BEND2: variants seen among roughly 807,000 people sequenced by gnomAD.
BEND2 encodes BEN domain-containing protein 2.
BEND2 carries 19 observed loss-of-function variants against 43.8 expected under a neutral mutation model. The ratio of observed to expected loss-of-function variants is 0.43; its 90% CI spans 0.30 to 0.64. The LOEUF (loss-of-function observed/expected upper bound fraction) is 0.64. BEND2 is among the 30% of genes least tolerant of loss of function. BEND2 has a pLI of 0.11. For synonymous variants in BEND2, 226 were observed against 210.1 expected, an observed-to-expected ratio of 1.08 and a Z score of -0.66; for missense variants, 544 against 574.0, an observed-to-expected ratio of 0.95 and a Z score of 0.53.
chrX:18,214,810 C>CAAAAAAAAAAAAAAAAAAAAA (rs58814498), intron 2 of BEND2, among the ~76,000 whole-genome samples: 1 of 35,448 alleles, frequency 2.8e-5, no homozygotes, highest in Non-Finnish European at 4.5e-5. Context: ...GACTCTGTCT[C>CAAAAAAAAAAAAAAAAAAAAA]AAAAAAAAAA....
At chrX:18,201,429 A>C (rs1289757860) in intron 6 of BEND2, among the ~76,000 whole-genome samples, 1 of 104,199 alleles carries the variant, frequency 9.6e-6, no homozygotes, top group Non-Finnish European at 2.0e-5. Context: ...AAAAAAAAAA[A>C]AACTGGTGGA....
At position 18,163,292 on chromosome X, in the gene BEND2, T is replaced by C. The variant is rs1923742083; in HGVS notation, c.*1717A>G. The C allele has an allele frequency of 9.0e-6, 1 of 111,332 alleles. No individual in the cohort carries two copies. Among genetic ancestry groups the C allele is most frequent in the African/African-American group, 3.3e-5 (1 of 30,518 alleles). 9.2% of individuals were successfully genotyped at this position (111,332 alleles called of 1,213,427 possible). On this transcript the variant is annotated 3_prime_UTR_variant, in exon 14 of 14. Coordinates refer to ENST00000380033, the MANE Select transcript of BEND2 (RefSeq NM_153346.5). ...TTCCTCTTCAAGCCATGGGAACCAC[T>C]TTTAAACACTTTTTTTTATAAATAA...
At chrX:18,215,517 A>G (rs1925648601) in intron 2 of BEND2, among the ~76,000 whole-genome samples, 1 of 112,263 alleles carries the variant, frequency 8.9e-6, no homozygotes, top group East Asian at 2.8e-4. Context: ...AAGCTAAGAT[A>G]TTATGGACTT....
intron 11 of BEND2, among the ~76,000 whole-genome samples, chrX:18,175,066 G>A (rs780622972): frequency 9.0e-6 from 1 of 111,592 alleles, no homozygotes; most frequent in African/African-American, 3.3e-5. Context: ...AAGCAAATAT[G>A]CAAATTACCA....
chrX:18,217,913 T>G (rs1464027574), intron 1 of BEND2, among the ~76,000 whole-genome samples: 1 of 101,076 alleles, frequency 9.9e-6, no homozygotes, highest in African/African-American at 3.7e-5. Context: ...AAATCCTGTC[T>G]CTACCAAAAA....
chrX:18,169,474 A>C (rs1478893333), intron 13 of BEND2, among the ~76,000 whole-genome samples: 2 of 112,042 alleles, frequency 1.8e-5, no homozygotes, highest in Non-Finnish European at 3.8e-5. Flanking sequence ...ATTTCGAATG[A>C]AGGAGTACTT....
At position 18,164,947 on chromosome X, in the gene BEND2, T is replaced by C. The variant is rs1416209110; in HGVS notation, c.*62A>G. On this transcript the variant is annotated 3_prime_UTR_variant, in exon 14 of 14. Coordinates refer to ENST00000380033, the MANE Select transcript of BEND2 (RefSeq NM_153346.5). The stretch of plus-strand genomic sequence containing the variant: ...AGCAGGCTGATTTTGGAATTAGAAC[T>C]TGAGAAACTTACAAAATAGTCTTAA... 45 of 1,107,823 alleles carry C rather than the reference T, an allele frequency of 4.1e-5. No individual in the cohort carries two copies. The highest frequency in any genetic ancestry group is 5.3e-5 in the Non-Finnish European group (44 of 830,960). 91.3% of individuals were successfully genotyped at this position (1,107,823 alleles called of 1,213,427 possible).
intron 6 of BEND2, among the ~76,000 whole-genome samples, chrX:18,198,010 T>C (rs1187451840): frequency 1.8e-5 from 2 of 111,775 alleles, no homozygotes; most frequent in African/African-American, 6.5e-5. Context: ...TGTAGAAAGC[T>C]GAAACTGGAT....
intron 13 of BEND2, among the ~76,000 whole-genome samples, chrX:18,165,933 C>T (rs1923811905): frequency 8.9e-6 from 1 of 111,946 alleles, no homozygotes; most frequent in South Asian, 3.8e-4. Context: ...TAGTTAGCTA[C>T]ATTAATCTCA....
At chrX:18,175,659 C>T (rs1483669474) in intron 11 of BEND2, among the ~76,000 whole-genome samples, 3 of 111,982 alleles carry the variant, frequency 2.7e-5, no homozygotes, top group Non-Finnish European at 3.8e-5. Context: ...TTGTGTTGCT[C>T]GGTGAGATAC....
chrX:18,212,552 C>A lies in BEND2; in HGVS notation c.492+13G>T. On this transcript the variant is annotated intron_variant, in intron 4 of 13. Coordinates refer to ENST00000380033, the MANE Select transcript of BEND2 (RefSeq NM_153346.5). The stretch of plus-strand genomic sequence containing the variant: ...AGAGATTTTCACTTTAATAAACAAA[C>A]CATAATATCTACCTCTGGAGTATAG... 9.3e-7 allele frequency: 1 copy of A among 1,074,232 alleles called. No individual in the cohort carries two copies. Among genetic ancestry groups the A allele is most frequent in the Non-Finnish European group, 1.3e-6 (1 of 776,345 alleles). 88.5% of individuals were successfully genotyped at this position (1,074,232 alleles called of 1,213,427 possible). A position where few individuals can be genotyped will look rare whatever the true frequency, so the allele number is the denominator to read the frequency against.
intron 6 of BEND2, 62 bp downstream of exon 6, chrX:18,201,753 A>C: frequency 8.9e-7 from 1 of 1,128,555 alleles, no homozygotes; most frequent in Non-Finnish European, 1.2e-6. Flanking sequence ...TCACCCTCCC[A>C]AAGTGCTGGG....
rs1400530049 is a variant in BEND2, at chrX:18,174,074, C to T, written c.1937G>A (p.Arg646Gln). 4.1e-6 allele frequency: 5 copies of T among 1,209,323 alleles called. No homozygotes were observed. The highest frequency in any genetic ancestry group is 1.8e-5 in the South Asian group (1 of 56,721). The part of the protein sequence containing the change: ...PNSNAIPEGM[R>Q]EPSTDNPEEP... ...CTCTGGATTATCAGTGGAAGGTTCT[C>T]GCATTCCTTCAGGGATAGCATTACT... The change falls in exon 12 of 14, where the codon CGA (arginine) becomes CAA (glutamine). Residue 646 changes from arginine (R) to glutamine (Q), a missense_variant. Coordinates refer to ENST00000380033, the MANE Select transcript of BEND2 (RefSeq NM_153346.5).
At chrX:18,190,336 G>C (rs1924722900) in intron 8 of BEND2, among the ~76,000 whole-genome samples, 1 of 111,772 alleles carries the variant, frequency 8.9e-6, no homozygotes, top group Admixed American at 9.6e-5. Context: ...ATGTCCTTCA[G>C]TGGGTGACAA....
chrX:18,203,961 T>C, intron 4 of BEND2, 46 bp from the exon 5 acceptor site: 3 of 1,073,373 alleles, frequency 2.8e-6, no homozygotes, highest in Non-Finnish European at 3.7e-6. Context: ...TTTTCTTCGG[T>C]TCCTAGACTT....
chrX:18,204,059 G>T, intron 4 of BEND2, 144 bp from the exon 5 acceptor site: 1 of 478,131 alleles, frequency 2.1e-6, no homozygotes, highest in Non-Finnish European at 3.2e-6. Flanking sequence ...TAAGTCAACT[G>T]TAACTTAAAA....
intron 6 of BEND2, among the ~76,000 whole-genome samples, chrX:18,199,777 G>C (rs1283346383): frequency 9.0e-6 from 1 of 110,628 alleles, no homozygotes; most frequent in African/African-American, 3.3e-5. Flanking sequence ...TTCACATGCA[G>C]GAACACTAAA....
chrX:18,210,059 T>C (rs1925457903), intron 4 of BEND2, among the ~76,000 whole-genome samples: 1 of 109,881 alleles, frequency 9.1e-6, no homozygotes, highest in African/African-American at 3.3e-5. Context: ...GGTACAAAAA[T>C]GCTGTGAATT....
intron 8 of BEND2, among the ~76,000 whole-genome samples, chrX:18,183,076 G>C (rs1278881637): frequency 4.2e-5 from 4 of 96,158 alleles, no homozygotes; most frequent in Admixed American, 3.5e-4. Context: ...AGAACAACCA[G>C]ACAGAACATC....
Sources: allele counts gnomAD v4.1 joint callset (sites outside exome capture counted in the v4.1 genomes callset), GRCh38; gene constraint gnomAD v4.1.1; transcripts MANE v1.5; gene names NCBI Gene and HGNC (gene_info 2026-07-23, HGNC 2026-07-21).